Variants in NCAN observed in about 807,000 individuals in gnomAD.
NCAN encodes the protein neurocan core protein.
Under a neutral mutation model 121.8 loss-of-function variants are expected in NCAN, and 47 were observed. That is an observed-to-expected ratio of 0.39 (90% CI 0.31 to 0.49). The LOEUF (loss-of-function observed/expected upper bound fraction) is 0.49, where lower values mean the gene tolerates loss of function less well. Among genes scored for constraint, NCAN ranks in the 20% least tolerant of loss-of-function variants. NCAN has a pLI of 0.92. For missense variants in NCAN, 1,517 were observed against 1,773.4 expected, an observed-to-expected ratio of 0.86 and a Z score of 2.60; for synonymous variants, 633 against 702.0, an observed-to-expected ratio of 0.90 and a Z score of 1.55.
At chr19:19,238,717 C>A (rs1398993260) in intron 11 of NCAN, 6 of 433,426 alleles carry the variant, frequency 1.4e-5, no homozygotes, top group Non-Finnish European at 2.6e-5. Flanking sequence ...GCTTTGTCCC[C>A]AGGGAGTGAC....
rs2060832672 is a variant in NCAN, at chr19:19,225,424, C to T, written c.1072+154C>T. ...TGAGGGCCACGCCCCCGGGTGAAGGCCACACCCGTTACGACAAGTCTTTCC... is the reference window on the plus strand; with the variant it reads ...TGAGGGCCACGCCCCCGGGTGAAGGTCACACCCGTTACGACAAGTCTTTCC... On this transcript the variant is annotated intron_variant, in intron 6 of 14. Coordinates refer to ENST00000252575, the MANE Select transcript of NCAN (RefSeq NM_004386.3). The surrounding 1 kb of genome is among the most constrained non-coding windows in gnomAD (Gnocchi z 4.0). 6.6e-6 allele frequency among the ~76,000 whole-genome samples: 1 copy of T among 152,208 alleles called. No homozygotes were observed. The highest frequency in any genetic ancestry group is 1.5e-5 in the Non-Finnish European group (1 of 68,030).
In NCAN at chr19:19,227,449, C is replaced by T. The variant is rs373906684; in HGVS notation, c.1829C>T (p.Thr610Ile). ...PDLFWSPLEA[T>I]VSAPSPAPWE... ...CTGTTTTGGTCCCCCTTGGAGGCCA[C>T]TGTCTCAGCTCCCAGCCCTGCCCCC... Residue 610 changes from threonine (T) to isoleucine (I), a missense_variant, in exon 8 of 15, where the codon ACT becomes ATT. Transcript: ENST00000252575. The surrounding 1 kb of genome is among the most constrained non-coding windows in gnomAD (Gnocchi z 4.2). 2.7e-5 allele frequency: 44 copies of T among 1,613,568 alleles called. No individual in the cohort carries two copies. Among genetic ancestry groups the T allele is most frequent in the Non-Finnish European group, 3.6e-5 (43 of 1,179,934 alleles).
Position 19,212,084 on chromosome 19 carries a change from G to T in NCAN, c.-8+20G>T. On this transcript the variant is annotated intron_variant, in intron 1 of 14. Transcript: ENST00000252575. This position sits in a 1 kb window ranked among gnomAD's most constrained non-coding sequence, Gnocchi z 4.5. ...AGCCAGGTGGGGGATCCGTGAGGGG[G>T]CCGTGTTGCGGGAGAAGACTTCGGG... 5.2e-6 allele frequency: 1 copy of T among 192,550 alleles called. No homozygotes were observed. Among genetic ancestry groups the T allele is most frequent in the South Asian group, 5.6e-5 (1 of 17,860 alleles). 11.9% of individuals were successfully genotyped at this position (192,550 alleles called of 1,614,324 possible).
At position 19,226,902 on chromosome 19, in the gene NCAN, G is replaced by C. The variant is rs200666942; in HGVS notation, c.1489G>C (p.Glu497Gln). 3 of 1,607,456 alleles carry C rather than the reference G, an allele frequency of 1.9e-6. No homozygotes were observed. The South Asian group carries it at 3.3e-5, about 18-fold the overall frequency. The change falls in exon 7 of 15, where the codon GAG (glutamate) becomes CAG (glutamine). Residue 497 changes from glutamate to glutamine, a missense_variant. By Grantham distance (29) the Glu-to-Gln change is conservative. Coordinates refer to ENST00000252575, the MANE Select transcript of NCAN (RefSeq NM_004386.3). ...GCGCTACTTCCAGCAGCAGGAACCG[G>C]AGCCGGGGCTGCAAGGGGGGATGGA... The part of the protein sequence containing the change: ...NGRYFQQQEP[E>Q]PGLQGGMEAS...
rs1251218019 is a variant in NCAN, at chr19:19,250,064, T to G, written c.*153T>G. 2 of 873,290 alleles carry G rather than the reference T, an allele frequency of 2.3e-6. No homozygotes were observed. The highest frequency in any genetic ancestry group is 3.7e-6 in the Non-Finnish European group (2 of 536,748). The allele number at this position is 873,290 out of a possible 1,614,324, so 54.1% of individuals were successfully genotyped here. A position where few individuals can be genotyped will look rare whatever the true frequency, so the allele number is the denominator to read the frequency against. On this transcript the variant is annotated 3_prime_UTR_variant, in exon 15 of 15. Coordinates refer to ENST00000252575, the MANE Select transcript of NCAN (RefSeq NM_004386.3). ...CACATAATCCTTTGTACAAAGCTCC[T>G]CTTTTCCCTTTTTTTACATACACAA...
intron 11 of NCAN, among the ~76,000 whole-genome samples, chr19:19,239,086 G>A (rs888979943): frequency 3.3e-5 from 5 of 151,678 alleles, no homozygotes; most frequent in South Asian, 2.1e-4. Flanking sequence ...CGACTGGCTC[G>A]CGCCTTCTCA....
rs2060834488 is a variant in NCAN, at chr19:19,225,780, C to G, written c.1072+510C>G. Among the ~76,000 whole-genome samples, 1 of 152,178 alleles carries G rather than the reference C, an allele frequency of 6.6e-6. No homozygotes were observed. Among genetic ancestry groups the G allele is most frequent in the South Asian group, 2.1e-4 (1 of 4,836 alleles). The stretch of plus-strand genomic sequence containing the variant: ...GCCATGTCCTCTAAGTAAGCTGCCC[C>G]AGTCCTGGCATGGGCATACCATGCC... On this transcript the variant is annotated intron_variant, in intron 6 of 14. Coordinates refer to ENST00000252575, the MANE Select transcript of NCAN (RefSeq NM_004386.3). The surrounding 1 kb of genome is among the most constrained non-coding windows in gnomAD (Gnocchi z 4.0).
At chr19:19,217,387 A>C (rs1382986687) in intron 2 of NCAN, among the ~76,000 whole-genome samples, 7 of 152,198 alleles carry the variant, frequency 4.6e-5, no homozygotes, top group Admixed American at 3.9e-4. Flanking sequence ...CCCAGGTTTT[A>C]GAAATCCCTC....
At chr19:19,214,947 G>T (rs2060791046) in intron 1 of NCAN, among the ~76,000 whole-genome samples, 1 of 152,178 alleles carries the variant, frequency 6.6e-6, no homozygotes, top group African/African-American at 2.4e-5. Context: ...GAAGGCAGAG[G>T]TTGCTGAGGT....
chr19:19,238,737 G>A (rs532948606), intron 11 of NCAN: 129 of 403,058 alleles, frequency 3.2e-4, no homozygotes, highest in South Asian at 2.8e-3. Flanking sequence ...CCATTTCTTG[G>A]GGAGGATATA....
intron 12 of NCAN, among the ~76,000 whole-genome samples, chr19:19,244,128 T>C (rs10402294): frequency 0.38 from 58,269 of 151,842 alleles, 13,083 homozygotes; most frequent in African/African-American, 0.61. Flanking sequence ...CACTTCCTTT[T>C]CTCTGATGCA....
At chr19:19,240,146 C>T (rs1419497702) in intron 11 of NCAN, among the ~76,000 whole-genome samples, 1 of 148,704 alleles carries the variant, frequency 6.7e-6, no homozygotes, top group Non-Finnish European at 1.5e-5. Flanking sequence ...GCCCCTCCTC[C>T]CTTTCACTCC....
At chr19:19,229,576 C>T (rs1213175721) in intron 8 of NCAN, among the ~76,000 whole-genome samples, 5 of 152,184 alleles carry the variant, frequency 3.3e-5, no homozygotes, top group Admixed American at 3.3e-4. Flanking sequence ...AGGTAAAACG[C>T]CGCTTGGCTA....
chr19:19,241,671 C>A (rs371092827), intron 12 of NCAN, among the ~76,000 whole-genome samples: 6 of 151,524 alleles, frequency 4.0e-5, no homozygotes, highest in East Asian at 3.9e-4. Flanking sequence ...ACCCCCGTCT[C>A]TAAAAATATA....
chr19:19,249,116 G>A lies in NCAN; in HGVS notation c.3820+234G>A, dbSNP rs1283743700. ...GAGAGAGATGGAGTTGTGCTCTGTTGCCCAGGCTGGAGTGCAGTGGCACAA... is the reference window on the plus strand; with the variant it reads ...GAGAGAGATGGAGTTGTGCTCTGTTACCCAGGCTGGAGTGCAGTGGCACAA... On this transcript the variant is annotated intron_variant, in intron 14 of 14. Coordinates refer to ENST00000252575, the MANE Select transcript of NCAN (RefSeq NM_004386.3). 2.3e-5 allele frequency: 11 copies of A among 469,058 alleles called. No individual in the cohort carries two copies. The East Asian group carries it at 4.2e-4, about 18-fold the overall frequency. The allele number at this position is 469,058 out of a possible 1,614,324, so 29.1% of individuals were successfully genotyped here.
At chr19:19,243,575 A>G (rs1264915895) in intron 12 of NCAN, among the ~76,000 whole-genome samples, 4 of 151,520 alleles carry the variant, frequency 2.6e-5, no homozygotes, top group Non-Finnish European at 4.4e-5. Flanking sequence ...ATGGTTATGC[A>G]ACATTGTGAA....
intron 10 of NCAN, 32 bp from the exon 11 acceptor site, chr19:19,238,221 G>GC (rs756379330): frequency 5.6e-6 from 9 of 1,612,912 alleles, no homozygotes; most frequent in East Asian, 4.5e-5. Context: ...GCCAAGGCCA[G>GC]CCCCCCCTCA....
chr19:19,221,409 A>T (rs1440058218), intron 3 of NCAN, among the ~76,000 whole-genome samples: 2 of 151,716 alleles, frequency 1.3e-5, no homozygotes, highest in African/African-American at 4.8e-5. Flanking sequence ...CTCTACTAAA[A>T]ATACAAAAAT....
rs775748528 is a variant in NCAN at position 19,227,863 on chromosome 19, C to T, written c.2243C>T (p.Thr748Met). 3.1e-6 allele frequency: 5 copies of T among 1,613,588 alleles called. No homozygotes were observed. The South Asian group carries it at 3.3e-5, about 11-fold the overall frequency. The change falls in exon 8 of 15, where the codon ACG becomes ATG. Residue 748 changes from threonine to methionine, a missense_variant. Thr to Met is a moderately conservative substitution (Grantham distance 81). Coordinates refer to ENST00000252575, the MANE Select transcript of NCAN (RefSeq NM_004386.3). This position sits in a 1 kb window ranked among gnomAD's most constrained non-coding sequence, Gnocchi z 4.2. ...FVPTETATEP[T>M]GLRGIPGSES... is the part of the protein sequence containing the mutation. ...CCCACTGAGACTGCCACTGAGCCAACGGGCCTCAGGGGTATCCCGGGGTCT... is the reference window on the plus strand; with the variant it reads ...CCCACTGAGACTGCCACTGAGCCAATGGGCCTCAGGGGTATCCCGGGGTCT...
Sources: gnomAD v4.1 joint callset for allele counts (sites outside exome capture counted in the v4.1 genomes callset) on GRCh38, gnomAD v4.1.1 for gene constraint, Gnocchi (gnomAD v3.1) non-coding constraint, MANE v1.5 for transcripts, NCBI Gene and HGNC (gene_info 2026-07-23, HGNC 2026-07-21) for gene names.